The following COL18A1 variants were observed in gnomAD, a reference collection of about 807,000 sequenced individuals.
The protein encoded by COL18A1 is collagen type XVIII alpha 1 chain, also known as collagen alpha-1(XVIII) chain.
Under a neutral mutation model 168.0 loss-of-function variants are expected in COL18A1, and 133 were observed. That is an observed-to-expected ratio of 0.79 (90% CI 0.69 to 0.91). The LOEUF (loss-of-function observed/expected upper bound fraction) is 0.91, where lower values mean the gene tolerates loss of function less well. Among genes scored for constraint, COL18A1 ranks in the 40% least tolerant of loss-of-function variants. COL18A1 has a pLI of 0.00. For missense variants in COL18A1, 2,126 were observed against 1,925.4 expected (o/e 1.10, Z -1.95); for synonymous variants, 949 against 809.0 (o/e 1.17, Z -2.94).
At chr21:45,452,761 C>T (rs1569296558) in intron 2 of COL18A1, among the ~76,000 whole-genome samples, 1 of 149,434 alleles carries the variant, frequency 6.7e-6, no homozygotes, top group Admixed American at 6.7e-5. Flanking sequence ...ATTGTGTATG[C>T]ATGTGAGTAT....
intron 33 of COL18A1, 137 bp from the exon 34 acceptor site, chr21:45,504,279 T>C: frequency 1.1e-6 from 1 of 946,008 alleles, no homozygotes; most frequent in South Asian, 1.6e-5. Flanking sequence ...AGTCGAGCCC[T>C]ATTCTATGCA....
chr21:45,471,201 G>T lies in COL18A1; in HGVS notation c.651+2415G>T, dbSNP rs375474119. Among the ~76,000 whole-genome samples, 1 of 152,032 alleles carries T rather than the reference G, an allele frequency of 6.6e-6. No individual in the cohort carries two copies. On this transcript the variant is annotated intron_variant, in intron 3 of 41. Coordinates refer to ENST00000651438, the MANE Select transcript of COL18A1 (RefSeq NM_001379500.1). This position sits in a 1 kb window ranked among gnomAD's most constrained non-coding sequence, Gnocchi z 4.4. ...GGGCGTGGGTGGCGCGCTATGGGCC[G>T]TGTGCTGAGGGCTGTGTTGGTTGAT... is the stretch of plus-strand genomic sequence containing the variant.
In COL18A1 at chr21:45,512,455, C is replaced by T. The variant is rs1008874815; in HGVS notation, c.*57C>T. ...CCGGCGGCTCGGAGGAAGCCCCCACCGTGGGCAGGGAGCGGCCGGCCAGCC... is the reference window on the plus strand; with the variant it reads ...CCGGCGGCTCGGAGGAAGCCCCCACTGTGGGCAGGGAGCGGCCGGCCAGCC... On this transcript the variant is annotated 3_prime_UTR_variant, in exon 42 of 42. Transcript: ENST00000651438. 129 of 1,555,500 alleles carry T rather than the reference C, an allele frequency of 8.3e-5. No individual in the cohort carries two copies. Among genetic ancestry groups the T allele is most frequent in the Non-Finnish European group, 1.0e-4 (116 of 1,144,926 alleles).
In COL18A1 at chr21:45,441,119, C is replaced by T. The variant is rs562191668; in HGVS notation, c.107-27123C>T. 5.3e-5 allele frequency among the ~76,000 whole-genome samples: 8 copies of T among 152,304 alleles called. No homozygotes were observed. In the South Asian group the frequency reaches 6.2e-4, roughly 12 times the overall value. ...GCCCTGGGAATTACAACAGACTTTC[C>T]CATCTCCCCACTATGGGCGGAATCT... On this transcript the variant is annotated intron_variant, in intron 2 of 41. Coordinates refer to ENST00000651438, the MANE Select transcript of COL18A1 (RefSeq NM_001379500.1).
intron 2 of COL18A1, among the ~76,000 whole-genome samples, chr21:45,421,790 A>G (rs1471443436): frequency 2.6e-5 from 4 of 152,030 alleles, no homozygotes; most frequent in Non-Finnish European, 4.4e-5. Flanking sequence ...AGAACCTTTG[A>G]ACACCTCAGC....
rs771914407 is a variant in COL18A1 at position 45,468,526 on chromosome 21, G to A, written c.391G>A (p.Gly131Arg). 7 of 1,613,236 alleles carry A rather than the reference G, an allele frequency of 4.3e-6. No individual in the cohort carries two copies. Among genetic ancestry groups the A allele is most frequent in the South Asian group, 3.3e-5 (3 of 91,068 alleles). ...LGVKLSGVQD[G>R]HQDISLLYTE... is the part of the protein sequence containing the mutation. ...CGTGAAGCTCTCTGGGGTGCAGGAC[G>A]GGCACCAGGACATCTCCCTGCTCTA... The change falls in exon 3 of 42, where the codon GGG becomes AGG. Residue 131 changes from glycine to arginine, a missense_variant. Transcript: ENST00000651438.
chr21:45,484,055 CACACACACACACTTCTCCAGCATATGT>C (rs2035995825), intron 15 of COL18A1, among the ~76,000 whole-genome samples: 2 of 115,826 alleles, frequency 1.7e-5, no homozygotes, highest in African/African-American at 4.4e-5. Context: ...AGCATATGTA[CACACACACACACTTCTCCAGCATATGT>C]ACACACACAC....
At chr21:45,418,985 G>A (rs1234982549) in intron 2 of COL18A1, among the ~76,000 whole-genome samples, 1 of 152,234 alleles carries the variant, frequency 6.6e-6, no homozygotes, top group Non-Finnish European at 1.5e-5. Context: ...TCAGTCTGGG[G>A]GCATCAGGGC....
At chr21:45,494,686 G>C (rs2036472531) in intron 27 of COL18A1, 115 bp downstream of exon 27, 1 of 1,512,744 alleles carries the variant, frequency 6.6e-7, no homozygotes, top group African/African-American at 1.4e-5. Flanking sequence ...TCTCCCTAGT[G>C]CAGTTTTAAA....
intron 37 of COL18A1, chr21:45,507,355 C>T: frequency 1.6e-6 from 1 of 607,958 alleles, no homozygotes; most frequent in South Asian, 1.7e-5. Context: ...AGGGAGGGCA[C>T]CCTGCTGTGG....
At chr21:45,430,238 G>A (rs2033919991) in intron 2 of COL18A1, among the ~76,000 whole-genome samples, 1 of 151,574 alleles carries the variant, frequency 6.6e-6, no homozygotes, top group Admixed American at 6.6e-5. Flanking sequence ...TATGTGAAGT[G>A]GGGTCATGGT....
intron 2 of COL18A1, among the ~76,000 whole-genome samples, chr21:45,434,460 G>A (rs2034046191): frequency 6.6e-6 from 1 of 152,172 alleles, no homozygotes; most frequent in Admixed American, 6.5e-5. Flanking sequence ...TCTCCGGGGG[G>A]GTTTGCAGCA....
chr21:45,494,337 C>A, intron 26 of COL18A1: 1 of 678,298 alleles, frequency 1.5e-6, no homozygotes, highest in Non-Finnish European at 2.6e-6. Flanking sequence ...CGACCCTCCC[C>A]TCACCAGTGG....
At chr21:45,445,946 T>A (rs1165929073) in intron 2 of COL18A1, among the ~76,000 whole-genome samples, 2 of 152,230 alleles carry the variant, frequency 1.3e-5, no homozygotes, top group South Asian at 2.1e-4. Flanking sequence ...ACTTTTAAGT[T>A]TTTACGAAGT....
intron 2 of COL18A1, among the ~76,000 whole-genome samples, chr21:45,428,076 A>G (rs1292157415): frequency 6.6e-6 from 1 of 152,148 alleles, no homozygotes; most frequent in Non-Finnish European, 1.5e-5. Flanking sequence ...CACCTCCTCC[A>G]TGAAGCCTTC....
chr21:45,415,345 C>T (rs557722835), intron 2 of COL18A1, among the ~76,000 whole-genome samples: 3 of 152,304 alleles, frequency 2.0e-5, no homozygotes, highest in African/African-American at 4.8e-5. Flanking sequence ...AAGATGAGTC[C>T]TCGGCCTTCG....
At chr21:45,504,637 C>T (rs970770969) in intron 34 of COL18A1, 81 bp downstream of exon 34, 62 of 1,295,756 alleles carry the variant, frequency 4.8e-5, no homozygotes, top group South Asian at 2.3e-4. Context: ...GCCCGGCCTT[C>T]GACACCCGCG....
At chr21:45,438,521 C>T (rs2034282215) in intron 2 of COL18A1, among the ~76,000 whole-genome samples, 1 of 152,276 alleles carries the variant, frequency 6.6e-6, no homozygotes, top group Admixed American at 6.5e-5. Flanking sequence ...GTTGGGTTTA[C>T]TTTTCCTGCC....
intron 37 of COL18A1, chr21:45,506,356 G>T (rs1047155471): frequency 8.5e-6 from 3 of 354,182 alleles, no homozygotes; most frequent in Non-Finnish European, 1.7e-5. Context: ...CCGGCTGGGG[G>T]GCAGGCTGTC....
Sources: allele counts gnomAD v4.1 joint callset (sites outside exome capture counted in the v4.1 genomes callset), GRCh38; gene constraint gnomAD v4.1.1; non-coding constraint Gnocchi (gnomAD v3.1); transcripts MANE v1.5; gene names NCBI Gene and HGNC (gene_info 2026-07-23, HGNC 2026-07-21).